The following LAPTM4B variants were observed in gnomAD, a reference collection of about 807,000 sequenced individuals.
LAPTM4B encodes lysosomal protein transmembrane 4 beta, also known as lysosomal-associated transmembrane protein 4B.
Under a neutral mutation model 28.5 loss-of-function variants are expected in LAPTM4B, and 26 were observed. The ratio of observed to expected loss-of-function variants is 0.91; its 90% confidence interval spans 0.67 to 1.27. The LOEUF (loss-of-function observed/expected upper bound fraction) is 1.27. Ranked by LOEUF, LAPTM4B falls within the 50% of genes most tolerant of loss-of-function variation. The pLI is 0.00. For synonymous variants in LAPTM4B, 109 were observed against 106.4 expected, an observed-to-expected ratio of 1.02 and a Z score of -0.15; for missense variants, 288 against 285.8, an observed-to-expected ratio of 1.01 and a Z score of -0.06.
At chr8:97,830,628 G>C (rs1317419294) in intron 6 of LAPTM4B, among the ~76,000 whole-genome samples, 1 of 152,138 alleles carries the variant, frequency 6.6e-6, no homozygotes, top group Non-Finnish European at 1.5e-5. Flanking sequence ...CCAGAAGGAG[G>C]TAGAGGAGTT....
At chr8:97,823,315 C>T (rs1817037113) in intron 5 of LAPTM4B, among the ~76,000 whole-genome samples, 1 of 151,262 alleles carries the variant, frequency 6.6e-6, no homozygotes, top group Non-Finnish European at 1.5e-5. Flanking sequence ...TCTGGGCATT[C>T]CATGCGAATA....
At chr8:97,820,408 G>T (rs1816986423) in intron 5 of LAPTM4B, among the ~76,000 whole-genome samples, 1 of 148,850 alleles carries the variant, frequency 6.7e-6, no homozygotes, top group South Asian at 2.1e-4. Flanking sequence ...ACTGCACCCA[G>T]CATACTTTGA....
At chr8:97,780,985 A>G (rs532822467) in intron 1 of LAPTM4B, among the ~76,000 whole-genome samples, 11 of 150,014 alleles carry the variant, frequency 7.3e-5, no homozygotes, top group African/African-American at 2.2e-4. Context: ...GTTGTGATTT[A>G]TGTACTACAA....
Position 97,815,415 on chromosome 8 carries a change from A to AGTAAG in LAPTM4B, c.285+15_285+19dup. ...GGAGCGTACAAGGTAAGCCGCTTGCAGTAAGATGCTGGCCTTTTCCTTGGT... is the reference window on the plus strand; with the variant it reads ...GGAGCGTACAAGGTAAGCCGCTTGCAGTAAGGTAAGATGCTGGCCTTTTCCTTGGT... On this transcript the variant is annotated intron_variant, in intron 3 of 6. Transcript: ENST00000521545. 6.6e-7 allele frequency: 1 copy of AGTAAG among 1,516,782 alleles called. No individual in the cohort carries two copies. The highest frequency in any genetic ancestry group is 1.1e-5 in the South Asian group (1 of 89,128). 94.0% of individuals were successfully genotyped at this position (1,516,782 alleles called of 1,614,324 possible).
At chr8:97,851,172 A>G (rs1817518438) in intron 6 of LAPTM4B, among the ~76,000 whole-genome samples, 1 of 152,204 alleles carries the variant, frequency 6.6e-6, no homozygotes, top group Non-Finnish European at 1.5e-5. Context: ...CCATCCAGCT[A>G]CACATGGACA....
chr8:97,802,180 G>A (rs2331583), intron 1 of LAPTM4B, among the ~76,000 whole-genome samples: 67,490 of 151,958 alleles, frequency 0.44, 15,470 homozygotes, highest in East Asian at 0.57. Flanking sequence ...AGTAAAGTGA[G>A]TGTAAGTTTA....
At chr8:97,823,733 T>C (rs1019033673) in intron 5 of LAPTM4B, among the ~76,000 whole-genome samples, 1 of 150,186 alleles carries the variant, frequency 6.7e-6, no homozygotes, top group Non-Finnish European at 1.5e-5. Context: ...AGTCTCGCTC[T>C]GTCACCCAGG....
chr8:97,807,616 A>G (rs1816773891), intron 2 of LAPTM4B, among the ~76,000 whole-genome samples: 1 of 152,216 alleles, frequency 6.6e-6, no homozygotes, highest in Admixed American at 6.5e-5. Flanking sequence ...CCCAGAGGAA[A>G]TATTTGGACT....
At chr8:97,795,142 CAGA>C (rs1816562450) in intron 1 of LAPTM4B, among the ~76,000 whole-genome samples, 1 of 152,216 alleles carries the variant, frequency 6.6e-6, no homozygotes, top group African/African-American at 2.4e-5. Flanking sequence ...CTTTGTCACT[CAGA>C]GTGCAGTGTG....
intron 5 of LAPTM4B, among the ~76,000 whole-genome samples, chr8:97,819,441 A>G (rs527315646): frequency 6.6e-6 from 1 of 152,318 alleles, no homozygotes; most frequent in South Asian, 2.1e-4. Flanking sequence ...AGGAGTCCAA[A>G]ATATATTTGG....
chr8:97,795,501 A>C (rs1454938282), intron 1 of LAPTM4B, among the ~76,000 whole-genome samples: 1 of 152,130 alleles, frequency 6.6e-6, no homozygotes, highest in Non-Finnish European at 1.5e-5. Flanking sequence ...GTATCTTATC[A>C]CTCAAGACTT....
At chr8:97,831,971 A>G (rs897181271) in intron 6 of LAPTM4B, among the ~76,000 whole-genome samples, 1 of 152,148 alleles carries the variant, frequency 6.6e-6, no homozygotes, top group Non-Finnish European at 1.5e-5. Flanking sequence ...CTTTGGTCAC[A>G]GGAGCCTTCT....
intron 6 of LAPTM4B, among the ~76,000 whole-genome samples, chr8:97,850,173 A>G (rs72673500): frequency 0.22 from 33,241 of 151,770 alleles, 4,119 homozygotes; most frequent in Middle Eastern, 0.28. Context: ...CCGGTTCCTC[A>G]GTCTCCTGTT....
intron 1 of LAPTM4B, among the ~76,000 whole-genome samples, chr8:97,779,913 C>T (rs547808529): frequency 6.6e-6 from 1 of 151,588 alleles, no homozygotes; most frequent in African/African-American, 2.4e-5. Flanking sequence ...TAGTCGGGCG[C>T]AGTGGCAGGC....
chr8:97,828,297 T>C (rs1817125158), intron 6 of LAPTM4B, among the ~76,000 whole-genome samples: 2 of 151,996 alleles, frequency 1.3e-5, no homozygotes, highest in South Asian at 2.1e-4. Flanking sequence ...GAGAGAAAGG[T>C]TAAATTGAAG....
chr8:97,811,784 C>T (rs1663221179), intron 2 of LAPTM4B, among the ~76,000 whole-genome samples: 1 of 152,032 alleles, frequency 6.6e-6, no homozygotes, highest in South Asian at 2.1e-4. Flanking sequence ...GGGGAACCAT[C>T]CTGGCCCTTT....
intron 6 of LAPTM4B, among the ~76,000 whole-genome samples, chr8:97,841,247 TAC>T (rs1401445198): frequency 7.6e-6 from 1 of 131,882 alleles, no homozygotes; most frequent in East Asian, 2.2e-4. Context: ...GAATAAAAGG[TAC>T]AGAGTTGTGT....
At chr8:97,789,189 T>C (rs1260202182) in intron 1 of LAPTM4B, among the ~76,000 whole-genome samples, 1 of 151,846 alleles carries the variant, frequency 6.6e-6, no homozygotes, top group Admixed American at 6.6e-5. Context: ...TTGTCCTGCC[T>C]CAGCCTCCCA....
At chr8:97,777,199 T>C (rs910564631) in intron 1 of LAPTM4B, among the ~76,000 whole-genome samples, 1 of 129,202 alleles carries the variant, frequency 7.7e-6, no homozygotes, top group Middle Eastern at 4.5e-3. Flanking sequence ...CGGGCTGGAG[T>C]GCAATGGCAT....
Sources: allele counts gnomAD v4.1 joint callset (sites outside exome capture counted in the v4.1 genomes callset), GRCh38; gene constraint gnomAD v4.1.1; transcripts MANE v1.5; gene names NCBI Gene and HGNC (gene_info 2026-07-23, HGNC 2026-07-21).